The following TRIQK variants were observed in gnomAD, a reference collection of about 807,000 sequenced individuals.
The protein encoded by TRIQK is triple QxxK/R motif containing, also known as triple QxxK/R motif-containing protein.
A neutral mutation model predicts 10.8 loss-of-function variants in TRIQK; 10 were observed. The observed-to-expected ratio is 0.92, with a 90% CI of 0.57 to 1.57. The LOEUF (loss-of-function observed/expected upper bound fraction) is 1.57, where lower values mean the gene tolerates loss of function less well. Ranked by LOEUF, TRIQK falls within the 40% of genes most tolerant of loss-of-function variation. The probability of loss-of-function intolerance (pLI) is 0.00; values close to 1 mark genes in which losing one functional copy is unlikely to be tolerated. For missense variants in TRIQK, 107 were observed against 97.7 expected (o/e 1.09, Z -0.40); for synonymous variants, 33 against 33.7 (o/e 0.98, Z 0.07).
chr8:92,942,817 C>T (rs757674250), intron 2 of TRIQK, among the ~76,000 whole-genome samples: 1 of 152,082 alleles, frequency 6.6e-6, no homozygotes, highest in Admixed American at 6.6e-5. Context: ...GCCTCAGCCT[C>T]TCAAGTAGCT....
intron 2 of TRIQK, among the ~76,000 whole-genome samples, chr8:92,940,146 T>C (rs1007357069): frequency 2.6e-5 from 4 of 152,100 alleles, no homozygotes; most frequent in African/African-American, 7.2e-5. Context: ...TTCAGGGTCA[T>C]CACCAGCTGA....
intron 1 of TRIQK, among the ~76,000 whole-genome samples, chr8:92,985,981 T>C (rs181641882): frequency 2.0e-5 from 3 of 152,312 alleles, no homozygotes. Context: ...GGGTACCAGA[T>C]ACTTTCCTCT....
At chr8:92,987,312 GAGC>G (rs1001191794) in intron 1 of TRIQK, among the ~76,000 whole-genome samples, 98 of 152,112 alleles carry the variant, frequency 6.4e-4, no homozygotes, top group African/African-American at 2.2e-3. Flanking sequence ...CTAAAATTAT[GAGC>G]AGATGTCAGA....
rs534233799 is a variant in TRIQK, at chr8:92,930,028, C to T, written c.-21-13018G>A. Among the ~76,000 whole-genome samples the T allele has an allele frequency of 2.6e-5, 4 of 151,290 alleles. No homozygotes were observed. In the South Asian group the frequency reaches 8.4e-4, roughly 32 times the overall value. Reference sequence around the variant, plus strand: ...ACTTTCTAAAAGTTGTGCACATGTACCCTAGAACTTACAGTATAATAAAAA... The same window carrying T: ...ACTTTCTAAAAGTTGTGCACATGTATCCTAGAACTTACAGTATAATAAAAA... On this transcript the variant is annotated intron_variant, in intron 2 of 4. Coordinates refer to ENST00000521988, the MANE Select transcript of TRIQK (RefSeq NM_001171797.2).
chr8:93,014,203 A>G (rs1050062452), intron 1 of TRIQK, among the ~76,000 whole-genome samples: 1 of 152,154 alleles, frequency 6.6e-6, no homozygotes, highest in African/African-American at 2.4e-5. Flanking sequence ...TTTCGAATAA[A>G]CAATGTTACA....
chr8:92,956,699 G>A (rs933008876), intron 1 of TRIQK, among the ~76,000 whole-genome samples: 1 of 151,750 alleles, frequency 6.6e-6, no homozygotes, highest in African/African-American at 2.4e-5. Flanking sequence ...CTGAAAGGAT[G>A]TGGGGGAAGC....
chr8:92,931,753 T>C (rs1009330567), intron 2 of TRIQK, among the ~76,000 whole-genome samples: 1 of 152,016 alleles, frequency 6.6e-6, no homozygotes, highest in Non-Finnish European at 1.5e-5. Context: ...GAGGGCCCCA[T>C]TCATTACAGC....
chr8:92,937,893 A>G (rs1213536181), intron 2 of TRIQK, among the ~76,000 whole-genome samples: 2 of 151,942 alleles, frequency 1.3e-5, no homozygotes, highest in East Asian at 3.9e-4. Flanking sequence ...AAGAGTCAAC[A>G]TATCTTTTTC....
chr8:92,901,749 C>T (rs1808952882), intron 3 of TRIQK, among the ~76,000 whole-genome samples: 1 of 151,936 alleles, frequency 6.6e-6, no homozygotes. Context: ...TACAGTAATA[C>T]TGGCCTTGTA....
At chr8:92,923,707 A>G (rs1810300156) in intron 2 of TRIQK, among the ~76,000 whole-genome samples, 1 of 151,920 alleles carries the variant, frequency 6.6e-6, no homozygotes, top group Admixed American at 6.6e-5. Context: ...TACACTCATT[A>G]GGACTTTTAA....
chr8:92,945,246 G>A (rs993099620), intron 2 of TRIQK, among the ~76,000 whole-genome samples: 4 of 152,050 alleles, frequency 2.6e-5, no homozygotes, highest in Admixed American at 6.5e-5. Context: ...ACTGATTGAC[G>A]TTGCTTCCCC....
chr8:92,918,096 GACA>G (rs1213236048), intron 2 of TRIQK, among the ~76,000 whole-genome samples: 1 of 151,962 alleles, frequency 6.6e-6, no homozygotes, highest in African/African-American at 2.4e-5. Flanking sequence ...TGTGTATAGA[GACA>G]ACATTTTTGC....
intron 2 of TRIQK, among the ~76,000 whole-genome samples, chr8:92,933,523 C>T (rs1375730633): frequency 5.3e-5 from 8 of 152,016 alleles, no homozygotes; most frequent in Non-Finnish European, 1.2e-4. Context: ...TGTGCTTAAA[C>T]CAACCACACC....
At chr8:92,943,256 T>C (rs1811360964) in intron 2 of TRIQK, among the ~76,000 whole-genome samples, 1 of 152,136 alleles carries the variant, frequency 6.6e-6, no homozygotes, top group Admixed American at 6.5e-5. Context: ...CTCAAAATCA[T>C]CTACAGATTC....
At chr8:92,962,433 G>T (rs567640359) in intron 1 of TRIQK, among the ~76,000 whole-genome samples, 1 of 152,286 alleles carries the variant, frequency 6.6e-6, no homozygotes, top group African/African-American at 2.4e-5. Flanking sequence ...TTTGGCATTG[G>T]AGTGAGACAA....
chr8:92,990,681 G>A (rs2130749672), intron 1 of TRIQK, among the ~76,000 whole-genome samples: 1 of 152,282 alleles, frequency 6.6e-6, no homozygotes, highest in African/African-American at 2.4e-5. Context: ...GCCAAGGAAA[G>A]CCTTGAGGGA....
chr8:92,928,902 G>A (rs971158917), intron 2 of TRIQK, among the ~76,000 whole-genome samples: 38 of 152,178 alleles, frequency 2.5e-4, no homozygotes, highest in African/African-American at 8.4e-4. Flanking sequence ...GAAAGACTAG[G>A]AGGTTTGAAG....
chr8:93,012,383 C>T (rs1434982288), intron 1 of TRIQK, among the ~76,000 whole-genome samples: 1 of 152,148 alleles, frequency 6.6e-6, no homozygotes, highest in African/African-American at 2.4e-5. Context: ...ATGCCAAAAT[C>T]TCATGAATAT....
chr8:93,012,570 T>A (rs924404484), intron 1 of TRIQK, among the ~76,000 whole-genome samples: 1 of 152,026 alleles, frequency 6.6e-6, no homozygotes, highest in Non-Finnish European at 1.5e-5. Flanking sequence ...TTAATTCTGC[T>A]TTTTTTTCTT....
Sources: allele counts gnomAD v4.1 joint callset (sites outside exome capture counted in the v4.1 genomes callset), GRCh38; gene constraint gnomAD v4.1.1; transcripts MANE v1.5; gene names NCBI Gene and HGNC (gene_info 2026-07-23, HGNC 2026-07-21).